The following SEMA4G variants were observed in gnomAD, a reference collection of about 807,000 sequenced individuals.
The protein encoded by SEMA4G is semaphorin-4G.
Under a neutral mutation model 81.2 loss-of-function variants are expected in SEMA4G, and 59 were observed. The observed-to-expected ratio is 0.73, with a 90% CI of 0.59 to 0.90. The LOEUF is 0.90. Among genes scored for constraint, SEMA4G ranks in the 40% least tolerant of loss-of-function variants. The pLI, the probability that SEMA4G is intolerant of heterozygous loss-of-function variation, is 0.00. For missense variants in SEMA4G, 952 were observed against 1,102.3 expected, an observed-to-expected ratio of 0.86 and a Z score of 1.93; for synonymous variants, 404 against 433.9, an observed-to-expected ratio of 0.93 and a Z score of 0.86.
exon 14 of SEMA4G, chr10:100,984,402 G>A: frequency 6.9e-7 from 1 of 1,459,382 alleles, no homozygotes; most frequent in South Asian, 1.4e-5. Context: ...CCCAGAGCCA[G>A]TTCCTATCCC....
exon 14 of SEMA4G, chr10:100,984,326 G>A (rs1416775905): frequency 6.9e-6 from 10 of 1,439,890 alleles, no homozygotes; most frequent in African/African-American, 1.4e-5. Flanking sequence ...ACCCACATGT[G>A]AGCAGCCCAG....
At chr10:100,977,869 G>A (rs1015243932) in intron 4 of SEMA4G, 139 bp downstream of exon 5, 10 of 704,750 alleles carry the variant, frequency 1.4e-5, no homozygotes, top group Non-Finnish European at 2.5e-5. Flanking sequence ...GGGCACTCCA[G>A]TGGCGGCGGG....
chr10:100,978,066 G>C (rs1850878952), intron 4 of SEMA4G: 1 of 581,478 alleles, frequency 1.7e-6, no homozygotes, highest in East Asian at 2.9e-5. Context: ...CATAGATAAG[G>C]AGTGAATCTC....
rs1199957925 is a variant in SEMA4G at position 100,973,539 on chromosome 10, T to G, written c.274-8T>G. On this transcript the variant is annotated splice_region_variant and splice_polypyrimidine_tract_variant and intron_variant, in intron 2 of 13. Coordinates refer to ENST00000370250, the Ensembl canonical transcript of SEMA4G. This position sits in a 1 kb window ranked among gnomAD's most constrained non-coding sequence, Gnocchi z 5.5. ...AGTGCATCAGCCTATTCCCTTTGCCTCCACTAGATCCACTGGGAAGCCTCC... is the reference window on the plus strand; with the variant it reads ...AGTGCATCAGCCTATTCCCTTTGCCGCCACTAGATCCACTGGGAAGCCTCC... 1 of 1,613,718 alleles carries G rather than the reference T, an allele frequency of 6.2e-7. No individual in the cohort carries two copies. The highest frequency in any genetic ancestry group is 1.7e-5 in the Admixed American group (1 of 59,990).
intron 3 of SEMA4G, chr10:100,974,960 T>TA (rs775419372): frequency 5.1e-5 from 26 of 511,646 alleles, no homozygotes; most frequent in East Asian, 1.1e-4. Flanking sequence ...AAAAAATAAT[T>TA]AAAAAAAAAT....
chr10:100,978,062 T>C (rs1044812412), intron 4 of SEMA4G: 12 of 579,416 alleles, frequency 2.1e-5, no homozygotes, highest in East Asian at 1.7e-4. Context: ...TCTTCATAGA[T>C]AAGGAGTGAA....
chr10:100,978,263 G>T, intron 4 of SEMA4G, 32 bp from the exon 6 acceptor site: 1 of 1,567,862 alleles, frequency 6.4e-7, no homozygotes, highest in South Asian at 1.1e-5. Flanking sequence ...CCTGTCTTCG[G>T]AACCACTTAC....
chr10:100,970,782 CT>C (rs1850605928), upstream of SEMA4G, among the ~76,000 whole-genome samples: 1 of 152,214 alleles, frequency 6.6e-6, no homozygotes, highest in South Asian at 2.1e-4. Context: ...CACACATGTA[CT>C]TGACCCTTCT....
chr10:100,970,219 T>C (rs1242743974), upstream of SEMA4G, among the ~76,000 whole-genome samples: 1 of 151,984 alleles, frequency 6.6e-6, no homozygotes, highest in African/African-American at 2.4e-5. Context: ...CTGTGGAACT[T>C]GGGGTGGAGT....
At chr10:100,983,019 T>C (rs976441342) in intron 13 of SEMA4G, among the ~76,000 whole-genome samples, 2 of 152,060 alleles carry the variant, frequency 1.3e-5, no homozygotes, top group African/African-American at 4.8e-5. Context: ...AGGAGAGAAG[T>C]CTGAGGTAGA....
At chr10:100,975,497 AG>A (rs760643694) in intron 3 of SEMA4G, among the ~76,000 whole-genome samples, 11 of 152,370 alleles carry the variant, frequency 7.2e-5, no homozygotes, top group Middle Eastern at 3.4e-3. Context: ...AGCCCAGTAA[AG>A]ATAGGTTTCA....
chr10:100,978,990 G>C (rs551004768), exon 7 of SEMA4G: 1 of 1,614,032 alleles, frequency 6.2e-7, no homozygotes, highest in African/African-American at 1.3e-5. Context: ...AGCAGTCACC[G>C]TGTGGCCCGT....
At position 100,973,456 on chromosome 10, in the gene SEMA4G, T is replaced by C. The variant is rs986312620; in HGVS notation, c.274-91T>C. The C allele has an allele frequency of 6.8e-7, 1 of 1,464,432 alleles. No individual in the cohort carries two copies. Among genetic ancestry groups the C allele is most frequent in the Non-Finnish European group, 9.5e-7 (1 of 1,056,468 alleles). 90.7% of individuals were successfully genotyped at this position (1,464,432 alleles called of 1,614,324 possible). A position where few individuals can be genotyped will look rare whatever the true frequency, so the allele number is the denominator to read the frequency against. ...CTCCTGAAATTGATCCCCACCCCAA[T>C]TTCCCCAACTCTGTGGGGTCCTATT... On this transcript the variant is annotated intron_variant, in intron 2 of 13. Coordinates refer to ENST00000370250, the Ensembl canonical transcript of SEMA4G. This position sits in a 1 kb window ranked among gnomAD's most constrained non-coding sequence, Gnocchi z 5.5.
intron 3 of SEMA4G, among the ~76,000 whole-genome samples, chr10:100,976,720 A>G (rs554018747): frequency 9.8e-5 from 15 of 152,362 alleles, no homozygotes; most frequent in South Asian, 4.1e-4. Flanking sequence ...TTCAGACAAT[A>G]GTAACAGCAG....
chr10:100,983,725 G>T (rs774916385), exon 14 of SEMA4G: 1 of 1,613,338 alleles, frequency 6.2e-7, no homozygotes, highest in African/African-American at 1.3e-5. Flanking sequence ...CTGCGGGAAG[G>T]CAGACGAGGG....
intron 3 of SEMA4G, among the ~76,000 whole-genome samples, chr10:100,974,588 G>A (rs1850724985): frequency 6.6e-6 from 1 of 152,208 alleles, no homozygotes; most frequent in African/African-American, 2.4e-5. Context: ...TACAGCAAGT[G>A]ATGATTTAGC....
chr10:100,977,763 T>C (rs766964352), intron 4 of SEMA4G, 33 bp downstream of exon 5: 1 of 1,528,938 alleles, frequency 6.5e-7, no homozygotes, highest in Admixed American at 1.7e-5. Flanking sequence ...AGATCTCTGT[T>C]GACTTCATTA....
At chr10:100,972,266 A>AGG (rs2133856055), upstream of SEMA4G, among the ~76,000 whole-genome samples, 1 of 152,176 alleles carries the variant, frequency 6.6e-6, no homozygotes, top group South Asian at 2.1e-4. Context: ...GGCCTAGTGG[A>AGG]GCTTCTGACT....
chr10:100,978,543 A>G (rs759183570), exon 6 of SEMA4G: 99 of 1,613,986 alleles, frequency 6.1e-5, no homozygotes, highest in Non-Finnish European at 8.1e-5. Flanking sequence ...GCCTCTACAC[A>G]GCCACTAGGT....
Sources: allele counts gnomAD v4.1 joint callset (sites outside exome capture counted in the v4.1 genomes callset), GRCh38; gene constraint gnomAD v4.1.1; non-coding constraint Gnocchi (gnomAD v3.1); transcripts MANE v1.5; gene names NCBI Gene and HGNC (gene_info 2026-07-23, HGNC 2026-07-21).